SLC24A1: variants seen among roughly 807,000 people sequenced by gnomAD.
SLC24A1 encodes sodium/potassium/calcium exchanger 1.
A neutral mutation model predicts 88.1 loss-of-function variants in SLC24A1; 52 were observed. The ratio of observed to expected loss-of-function variants is 0.59; its 90% confidence interval spans 0.47 to 0.74. The LOEUF (loss-of-function observed/expected upper bound fraction) is 0.74. SLC24A1 is among the 30% of genes least tolerant of loss of function. SLC24A1 has a pLI of 0.00. For missense variants in SLC24A1, 1,173 were observed against 1,363.3 expected (o/e 0.86, Z 2.20); for synonymous variants, 455 against 498.0 (o/e 0.91, Z 1.15).
In SLC24A1 at chr15:65,625,282, C is replaced by A; in HGVS notation, c.1202C>A (p.Pro401Gln). 5.6e-6 allele frequency: 9 copies of A among 1,614,008 alleles called. No homozygotes were observed. The highest frequency in any genetic ancestry group is 7.6e-6 in the Non-Finnish European group (9 of 1,179,886). ...VHHCVVVKPT[P>Q]AMLTTPSPSL... ...CACTGTGTGGTTGTGAAGCCAACCC[C>A]AGCCATGCTCACCACTCCCTCCCCA... is the stretch of plus-strand genomic sequence containing the variant. The change falls in exon 2 of 10, where the codon CCA becomes CAA. Residue 401 changes from proline (P) to glutamine (Q), a missense_variant. Physicochemically the swap from Pro to Gln is moderately conservative, Grantham distance 76 (BLOSUM62 -1). Transcript: ENST00000261892.
At position 65,655,786 on chromosome 15, in the gene SLC24A1, C is replaced by T. The variant is rs980335012; in HGVS notation, c.*1707C>T. On this transcript the variant is annotated 3_prime_UTR_variant, in exon 10 of 10. Coordinates refer to ENST00000261892, the MANE Select transcript of SLC24A1 (RefSeq NM_004727.3). ...TAAGATGAATTGCTTAATTAATTGC[C>T]TCGCTACCCCAGGATTCTCATTCTT... is the stretch of plus-strand genomic sequence containing the variant. 7 of 985,042 alleles carry T rather than the reference C, an allele frequency of 7.1e-6. No homozygotes were observed. The highest frequency in any genetic ancestry group is 8.4e-6 in the Non-Finnish European group (7 of 829,794). 61.0% of individuals were successfully genotyped at this position (985,042 alleles called of 1,614,324 possible).
chr15:65,633,033 G>A (rs1219606378), intron 2 of SLC24A1, among the ~76,000 whole-genome samples: 2 of 152,170 alleles, frequency 1.3e-5, no homozygotes, highest in African/African-American at 2.4e-5. Context: ...CACACCAGAG[G>A]GTCAGGGAAG....
chr15:65,612,771 C>G (rs2074004652), intron 2 of SLC24A1, among the ~76,000 whole-genome samples: 1 of 152,174 alleles, frequency 6.6e-6, no homozygotes, highest in Admixed American at 6.5e-5. Context: ...AATTCTGGCT[C>G]AGTTGCAGGG....
At chr15:65,612,565 T>C (rs2073994283) in intron 1 of SLC24A1, 1 of 152,304 alleles carries the variant, frequency 6.6e-6, no homozygotes, top group Admixed American at 6.5e-5. Context: ...ACCTGGCTGA[T>C]CTCACCATGT....
At position 65,625,860 on chromosome 15, in the gene SLC24A1, G is replaced by A; in HGVS notation, c.1780G>A (p.Ala594Thr). 2.5e-6 allele frequency: 4 copies of A among 1,614,020 alleles called. No individual in the cohort carries two copies. Among genetic ancestry groups the A allele is most frequent in the Non-Finnish European group, 3.4e-6 (4 of 1,179,906 alleles). Residue 594 changes from alanine to threonine, a missense_variant, in exon 2 of 10, where the codon GCC becomes ACC. Physicochemically the swap from Ala to Thr is moderately conservative, Grantham distance 58. Transcript: ENST00000261892. ...WESLLLLLAY[A>T]FYVFTMKWNK... Reference sequence around the variant, plus strand: ...GAGCCTGCTGCTGCTGCTGGCCTATGCCTTCTATGTGTTCACCATGAAGTG... The same window carrying A: ...GAGCCTGCTGCTGCTGCTGGCCTATACCTTCTATGTGTTCACCATGAAGTG...
At chr15:65,648,761 A>G (rs1479901088) in intron 6 of SLC24A1, among the ~76,000 whole-genome samples, 1 of 151,930 alleles carries the variant, frequency 6.6e-6, no homozygotes, top group Non-Finnish European at 1.5e-5. Context: ...CAGCCTCCCA[A>G]AGTGCTGAGA....
At chr15:65,626,471 A>C (rs2074520695) in intron 2 of SLC24A1, among the ~76,000 whole-genome samples, 1 of 152,104 alleles carries the variant, frequency 6.6e-6, no homozygotes, top group Non-Finnish European at 1.5e-5. Flanking sequence ...CCAGACTTGG[A>C]GGGGCTGATG....
Position 65,625,095 on chromosome 15 carries a change from T to C in SLC24A1, c.1015T>C (p.Phe339Leu), listed in dbSNP as rs1566947589. The change falls in exon 2 of 10, where the codon TTC becomes CTC. Residue 339 changes from phenylalanine to leucine, a missense_variant. Transcript: ENST00000261892. Reference protein sequence around the residue: ...TGSSPAETKAFTAAWSLRNPS... With the variant: ...TGSSPAETKALTAAWSLRNPS... ...CAGCAGCCCAGCAGAAACCAAAGCC[T>C]TCACTGCTGCCTGGAGTCTTAGGAA... The C allele has an allele frequency of 2.5e-6, 4 of 1,613,502 alleles. No individual in the cohort carries two copies. Among genetic ancestry groups the C allele is most frequent in the African/African-American group, 1.3e-5 (1 of 74,902 alleles).
intron 2 of SLC24A1, among the ~76,000 whole-genome samples, chr15:65,616,810 T>A (rs558100738): frequency 6.6e-6 from 1 of 152,354 alleles, no homozygotes; most frequent in South Asian, 2.1e-4. Flanking sequence ...CATGCCTATG[T>A]CCTGAATGGT....
chr15:65,655,218 A>C lies in SLC24A1; in HGVS notation c.*1139A>C. 1.0e-6 allele frequency: 1 copy of C among 986,710 alleles called. No individual in the cohort carries two copies. Among genetic ancestry groups the C allele is most frequent in the South Asian group, 4.7e-5 (1 of 21,396 alleles). 61.1% of individuals were successfully genotyped at this position (986,710 alleles called of 1,614,324 possible). ...TGGAGTGGGAAGGGAAGTCATTCTAAAGAGTCCAAAGTCAGTAGCGCCACA... is the reference window on the plus strand; with the variant it reads ...TGGAGTGGGAAGGGAAGTCATTCTACAGAGTCCAAAGTCAGTAGCGCCACA... On this transcript the variant is annotated 3_prime_UTR_variant, in exon 10 of 10. Coordinates refer to ENST00000261892, the MANE Select transcript of SLC24A1 (RefSeq NM_004727.3).
Position 65,624,889 on chromosome 15 carries a change from C to T in SLC24A1, c.809C>T (p.Thr270Ile). The change falls in exon 2 of 10, where the codon ACT becomes ATT. Residue 270 changes from threonine (T) to isoleucine (I), a missense_variant. Coordinates refer to ENST00000261892, the MANE Select transcript of SLC24A1 (RefSeq NM_004727.3). ...CATGAGGTAGAAGCAAACGTCTTGA[C>T]TTCTCCAAGGAGCGTCATGGAAAAA... ...LTHEVEANVL[T>I]SPRSVMEKNN... The T allele has an allele frequency of 6.2e-7, 1 of 1,614,016 alleles. No homozygotes were observed. Among genetic ancestry groups the T allele is most frequent in the Non-Finnish European group, 8.5e-7 (1 of 1,179,890 alleles).
At chr15:65,629,802 C>T (rs2074648441) in intron 2 of SLC24A1, among the ~76,000 whole-genome samples, 1 of 152,138 alleles carries the variant, frequency 6.6e-6, no homozygotes, top group Non-Finnish European at 1.5e-5. Flanking sequence ...GCAAGACAGT[C>T]CTGTGGAAAG....
rs752496406 is a variant in SLC24A1, at chr15:65,623,951, C to G, written c.-126-4C>G. The G allele has an allele frequency of 2.7e-6, 2 of 745,774 alleles. No homozygotes were observed. Among genetic ancestry groups the G allele is most frequent in the Non-Finnish European group, 4.5e-6 (2 of 444,610 alleles). 46.2% of individuals were successfully genotyped at this position (745,774 alleles called of 1,614,324 possible). ...TAAATAATCTCTTTTTTTTACCCAC[C>G]TAGGGTTGTGGATACCCCCTGGCTG... is the stretch of plus-strand genomic sequence containing the variant. On this transcript the variant is annotated splice_region_variant and splice_polypyrimidine_tract_variant and intron_variant, in intron 1 of 9. Transcript: ENST00000261892.
chr15:65,633,862 A>G (rs1263766861), intron 2 of SLC24A1, among the ~76,000 whole-genome samples: 1 of 152,102 alleles, frequency 6.6e-6, no homozygotes, highest in Non-Finnish European at 1.5e-5. Context: ...GAGGGACATG[A>G]TGTGCTTTGC....
At chr15:65,652,900 T>C in intron 9 of SLC24A1, 92 bp downstream of exon 9, 1 of 1,046,190 alleles carries the variant, frequency 9.6e-7, no homozygotes, top group South Asian at 2.1e-5. Context: ...TTATTCATTA[T>C]ACATAGAATA....
At chr15:65,615,240 A>G (rs960335002) in intron 2 of SLC24A1, among the ~76,000 whole-genome samples, 1 of 152,096 alleles carries the variant, frequency 6.6e-6, no homozygotes, top group Non-Finnish European at 1.5e-5. Context: ...ACAAAATGCT[A>G]TGAAGTCTAA....
At chr15:65,620,115 A>T (rs1413224664), upstream of SLC24A1, among the ~76,000 whole-genome samples, 2 of 150,948 alleles carry the variant, frequency 1.3e-5, no homozygotes, top group Non-Finnish European at 2.9e-5. Context: ...TAATAAATAA[A>T]TAAACTCATT....
At chr15:65,634,812 GA>G (rs1023536453) in intron 2 of SLC24A1, among the ~76,000 whole-genome samples, 2 of 145,754 alleles carry the variant, frequency 1.4e-5, no homozygotes, top group South Asian at 2.2e-4. Context: ...TAAACAAAAA[GA>G]AAAAAAAGAA....
At position 65,635,052 on chromosome 15, in the gene SLC24A1, T is replaced by C. The variant is rs193256708; in HGVS notation, c.1891-3076T>C. Among the ~76,000 whole-genome samples, 6 of 152,280 alleles carry C rather than the reference T, an allele frequency of 3.9e-5. No individual in the cohort carries two copies. The East Asian group carries it at 1.2e-3, about 29-fold the overall frequency. ...AACAATGAATCCTTAGAAAGGTATTTTGGCTTGAATAAATCTGAATGGCAG... is the reference window on the plus strand; with the variant it reads ...AACAATGAATCCTTAGAAAGGTATTCTGGCTTGAATAAATCTGAATGGCAG... On this transcript the variant is annotated intron_variant, in intron 2 of 9. Coordinates refer to ENST00000261892, the MANE Select transcript of SLC24A1 (RefSeq NM_004727.3).
Sources: gnomAD v4.1 joint callset for allele counts (sites outside exome capture counted in the v4.1 genomes callset) on GRCh38, gnomAD v4.1.1 for gene constraint, MANE v1.5 for transcripts, NCBI Gene and HGNC (gene_info 2026-07-23, HGNC 2026-07-21) for gene names.